The following SHISA9 variants were observed in gnomAD, a reference collection of about 807,000 sequenced individuals.
The protein encoded by SHISA9 is protein shisa-9.
SHISA9 carries 13 observed loss-of-function variants against 38.0 expected under a neutral mutation model. That is an observed-to-expected ratio of 0.34 (90% CI 0.22 to 0.54). The LOEUF (loss-of-function observed/expected upper bound fraction) is 0.54. SHISA9 is among the 20% of genes least tolerant of loss of function. The pLI is 0.91. For missense variants in SHISA9, 538 were observed against 575.8 expected (o/e 0.93, Z 0.67); for synonymous variants, 275 against 242.0 (o/e 1.14, Z -1.27).
At chr16:13,431,067 GGAA>G in the SHISA9 span, among the ~76,000 whole-genome samples, 8 of 152,248 alleles carry the variant, frequency 5.3e-5, no homozygotes, top group South Asian at 1.7e-3. Flanking sequence ...GCTAGTTGAG[GGAA>G]ATCTCCTACA....
chr16:13,367,746 A>C, the SHISA9 span, among the ~76,000 whole-genome samples: 7 of 146,972 alleles, frequency 4.8e-5, no homozygotes, highest in East Asian at 1.2e-3. Flanking sequence ...ACACACACAC[A>C]CACCCCTGAA....
chr16:12,931,899 C>T (rs1196286025), intron 2 of SHISA9, among the ~76,000 whole-genome samples: 1 of 152,206 alleles, frequency 6.6e-6, no homozygotes, highest in Non-Finnish European at 1.5e-5. Flanking sequence ...CAAATCTCAT[C>T]TTGAATTGTG....
chr16:13,489,802 T>A, the SHISA9 span, among the ~76,000 whole-genome samples: 5 of 152,304 alleles, frequency 3.3e-5, no homozygotes, highest in Middle Eastern at 3.4e-3. Flanking sequence ...GATTCTATTA[T>A]CTTCATTACA....
At chr16:13,175,281 C>T (rs531170636) in intron 2 of SHISA9, among the ~76,000 whole-genome samples, 1 of 152,218 alleles carries the variant, frequency 6.6e-6, no homozygotes, top group East Asian at 1.9e-4. Flanking sequence ...CCCAGCTACT[C>T]TGGAGGCTGA....
the SHISA9 span, among the ~76,000 whole-genome samples, chr16:13,335,756 T>C: frequency 1.3e-5 from 2 of 151,290 alleles, no homozygotes; most frequent in East Asian, 1.9e-4. Flanking sequence ...CAAGACCATT[T>C]TGGGGGGGAT....
rs150521361 is a variant in SHISA9, at chr16:13,149,718, A to G, written c.692-53676A>G. ...GGCAGGTGGATCACTTGAGGTCAGG[A>G]GTTCAAGACCAGCCTGGCCAACATG... On this transcript the variant is annotated intron_variant, in intron 2 of 4. Transcript: ENST00000558583. Among the ~76,000 whole-genome samples, 499 of 152,072 alleles carry G rather than the reference A, an allele frequency of 3.3e-3. 2 individuals carry two copies. The highest frequency in any genetic ancestry group is 0.011 in the African/African-American group (477 of 41,488).
chr16:13,225,641 C>G (rs374318660), intron 4 of SHISA9, among the ~76,000 whole-genome samples: 1 of 152,142 alleles, frequency 6.6e-6, no homozygotes, highest in Non-Finnish European at 1.5e-5. Context: ...GTGGTAGGAA[C>G]CCCTCCCTAA....
rs903626966 is a variant in SHISA9 at position 12,929,862 on chromosome 16, A to G, written c.691+13047A>G. Among the ~76,000 whole-genome samples the G allele has an allele frequency of 2.6e-5, 4 of 152,244 alleles. 1 individual carries two copies. In the Middle Eastern group the frequency reaches 0.01, roughly 388 times the overall value. On this transcript the variant is annotated intron_variant, in intron 2 of 4. Transcript: ENST00000558583. ...ATTGCTTCCACTTCAGGGGTTTTAC[A>G]TACGCTCTTCCCTCTGCCTGCAACA...
the SHISA9 span, among the ~76,000 whole-genome samples, chr16:13,356,203 G>T: frequency 1.3e-5 from 2 of 152,198 alleles, no homozygotes; most frequent in Non-Finnish European, 2.9e-5. Context: ...AAATCCTGTT[G>T]TGGGGTTTGA....
the SHISA9 span, among the ~76,000 whole-genome samples, chr16:13,503,645 G>A: frequency 4.7e-4 from 70 of 149,438 alleles, no homozygotes; most frequent in Middle Eastern, 3.5e-3. Flanking sequence ...TGTACTGATC[G>A]AAATAAGTCA....
At chr16:13,165,713 C>T (rs2142016212) in intron 2 of SHISA9, among the ~76,000 whole-genome samples, 1 of 152,220 alleles carries the variant, frequency 6.6e-6, no homozygotes, top group East Asian at 1.9e-4. Context: ...CCACAACAGT[C>T]AGCAGGTTAG....
rs996173212 is a variant in SHISA9 at position 13,166,012 on chromosome 16, T to C, written c.692-37382T>C. Among the ~76,000 whole-genome samples, 6 of 152,200 alleles carry C rather than the reference T, an allele frequency of 3.9e-5. No individual in the cohort carries two copies. In the South Asian group the frequency reaches 1.2e-3, roughly 32 times the overall value. On this transcript the variant is annotated intron_variant, in intron 2 of 4. Coordinates refer to ENST00000558583, the MANE Select transcript of SHISA9 (RefSeq NM_001145204.3). ...AATTCGCCAGCTACTGAATTCTCCA[T>C]GGGAAGCCATCCTCATAGTAATAGT... is the stretch of plus-strand genomic sequence containing the variant.
chr16:12,973,446 A>G (rs954055216), intron 2 of SHISA9, among the ~76,000 whole-genome samples: 1 of 152,218 alleles, frequency 6.6e-6, no homozygotes, highest in African/African-American at 2.4e-5. Context: ...GCTACAGACT[A>G]CGCTAGTTAA....
At chr16:13,179,866 T>A (rs1041050510) in intron 2 of SHISA9, among the ~76,000 whole-genome samples, 6 of 152,206 alleles carry the variant, frequency 3.9e-5, no homozygotes, top group Non-Finnish European at 8.8e-5. Flanking sequence ...TGTGGGTGTT[T>A]AATTACTGTG....
the SHISA9 span, among the ~76,000 whole-genome samples, chr16:13,386,998 T>C: frequency 6.6e-6 from 1 of 152,216 alleles, no homozygotes; most frequent in Non-Finnish European, 1.5e-5. Flanking sequence ...TCAGATGATA[T>C]GTTGAGAGTC....
At chr16:13,404,847 A>G in the SHISA9 span, among the ~76,000 whole-genome samples, 1 of 152,224 alleles carries the variant, frequency 6.6e-6, no homozygotes, top group African/African-American at 2.4e-5. Flanking sequence ...GACACGAGAG[A>G]GCATCTTCTA....
the SHISA9 span, among the ~76,000 whole-genome samples, chr16:13,266,971 A>C: frequency 6.6e-6 from 1 of 152,242 alleles, no homozygotes; most frequent in Non-Finnish European, 1.5e-5. Context: ...CCAACGGCTT[A>C]AAATTGTAAA....
At chr16:13,086,382 GAA>G in intron 2 of SHISA9, among the ~76,000 whole-genome samples, 1 of 139,880 alleles carries the variant, frequency 7.1e-6, no homozygotes, top group African/African-American at 2.7e-5. Flanking sequence ...AAAAGAAGAA[GAA>G]TATTGTCATT....
chr16:13,482,034 T>C, the SHISA9 span, among the ~76,000 whole-genome samples: 39,815 of 152,084 alleles, frequency 0.26, 5,431 homozygotes, highest in African/African-American at 0.33. Flanking sequence ...CTGAATGTCT[T>C]CCACTGGCCC....
Sources: gnomAD v4.1 joint callset for allele counts (sites outside exome capture counted in the v4.1 genomes callset) on GRCh38, gnomAD v4.1.1 for gene constraint, MANE v1.5 for transcripts, NCBI Gene and HGNC (gene_info 2026-07-23, HGNC 2026-07-21) for gene names.